PNPLA1: variants seen among roughly 807,000 people sequenced by gnomAD.
The protein encoded by PNPLA1 is omega-hydroxyceramide transacylase.
In PNPLA1, 36 loss-of-function variants were observed where a neutral mutation model predicts 51.7. The observed-to-expected ratio is 0.70, with a 90% CI of 0.53 to 0.92. The LOEUF (loss-of-function observed/expected upper bound fraction) is 0.92. PNPLA1 is among the 40% of genes least tolerant of loss of function. PNPLA1 has a pLI of 0.00. For missense variants in PNPLA1, 658 were observed against 682.5 expected (o/e 0.96, Z 0.40); for synonymous variants, 293 against 280.1 (o/e 1.05, Z -0.46).
At chr6:36,279,087 A>G (rs1014547924) in intron 1 of PNPLA1, among the ~76,000 whole-genome samples, 1 of 152,182 alleles carries the variant, frequency 6.6e-6, no homozygotes, top group Non-Finnish European at 1.5e-5. Flanking sequence ...ACAGGTCTGC[A>G]GGTGTAGTTG....
chr6:36,309,537 G>A (rs147191251), intron 8 of PNPLA1, among the ~76,000 whole-genome samples: 1 of 152,344 alleles, frequency 6.6e-6, no homozygotes, highest in East Asian at 1.9e-4. Context: ...TCCCACTGCA[G>A]CAGAGAAGCG....
In PNPLA1 at chr6:36,306,103, A is replaced by G. The variant is rs1212271765; in HGVS notation, c.1385-189A>G. Among the ~76,000 whole-genome samples the G allele has an allele frequency of 2.6e-5, 4 of 152,174 alleles. No individual in the cohort carries two copies. In the East Asian group the frequency reaches 5.8e-4, roughly 22 times the overall value. On this transcript the variant is annotated intron_variant, in intron 6 of 8. Coordinates refer to ENST00000636260, the MANE Select transcript of PNPLA1 (RefSeq NM_001374623.1). Reference sequence around the variant, plus strand: ...ACCAAGGGTCCGAGTCAGCCGCTCCACAGATGCCGCGGGCCTGCGTCTCAG... The same window carrying G: ...ACCAAGGGTCCGAGTCAGCCGCTCCGCAGATGCCGCGGGCCTGCGTCTCAG...
At chr6:36,280,136 G>A (rs925255981) in intron 1 of PNPLA1, among the ~76,000 whole-genome samples, 5 of 152,196 alleles carry the variant, frequency 3.3e-5, no homozygotes, top group African/African-American at 1.2e-4. Flanking sequence ...AACCCGGGAG[G>A]CGGCGGTTGC....
chr6:36,248,968 T>C (rs4236049), intron 1 of PNPLA1, among the ~76,000 whole-genome samples: 116,262 of 152,136 alleles, frequency 0.76, 44,699 homozygotes, highest in Admixed American at 0.86. Context: ...AGAGGCCCAA[T>C]GGGGAAGGTG....
chr6:36,267,206 C>T (rs1769780288), upstream of PNPLA1, among the ~76,000 whole-genome samples: 4 of 152,204 alleles, frequency 2.6e-5, no homozygotes, highest in Admixed American at 2.6e-4. Context: ...GAAAGTGATT[C>T]TTCCTCGATG....
At chr6:36,301,546 G>C (rs1423540906) in intron 5 of PNPLA1, among the ~76,000 whole-genome samples, 1 of 152,000 alleles carries the variant, frequency 6.6e-6, no homozygotes, top group Non-Finnish European at 1.5e-5. Context: ...CCTGGGCCAC[G>C]TACCCTTCAG....
intron 1 of PNPLA1, among the ~76,000 whole-genome samples, chr6:36,255,415 G>C (rs1582029262): frequency 6.6e-6 from 1 of 152,258 alleles, no homozygotes; most frequent in Non-Finnish European, 1.5e-5. Context: ...CGAGGCAGGA[G>C]AATTGCTTGA....
At chr6:36,269,403 T>TCACAC (rs1405341363), upstream of PNPLA1, among the ~76,000 whole-genome samples, 2 of 152,128 alleles carry the variant, frequency 1.3e-5, no homozygotes, top group Non-Finnish European at 2.9e-5. Flanking sequence ...CCTGGTCCTC[T>TCACAC]CACACCACCT....
At chr6:36,273,733 A>G (rs1378173937) in intron 1 of PNPLA1, among the ~76,000 whole-genome samples, 2 of 148,834 alleles carry the variant, frequency 1.3e-5, no homozygotes, top group African/African-American at 2.5e-5. Context: ...CATCGCAAAA[A>G]AAAAAAAAAA....
chr6:36,290,772 T>C (rs566320378), intron 1 of PNPLA1, among the ~76,000 whole-genome samples: 3 of 151,966 alleles, frequency 2.0e-5, no homozygotes, highest in Non-Finnish European at 4.4e-5. Context: ...GATGCAATGG[T>C]TTCAAGACAA....
intron 1 of PNPLA1, among the ~76,000 whole-genome samples, chr6:36,249,619 T>G (rs139385424): frequency 6.6e-6 from 1 of 152,308 alleles, no homozygotes; most frequent in African/African-American, 2.4e-5. Context: ...TCTCTGGACC[T>G]CAGCTTCAGC....
chr6:36,258,889 C>T (rs1235431510), intron 1 of PNPLA1, among the ~76,000 whole-genome samples: 4 of 152,190 alleles, frequency 2.6e-5, no homozygotes, highest in Non-Finnish European at 1.5e-5. Flanking sequence ...TGCAATATTC[C>T]TTAAATGTAT....
At chr6:36,245,170 G>A (rs1270129184) in intron 1 of PNPLA1, among the ~76,000 whole-genome samples, 1 of 152,158 alleles carries the variant, frequency 6.6e-6, no homozygotes, top group Non-Finnish European at 1.5e-5. Context: ...CTGTGGGTGT[G>A]ACTTCCTCCA....
intron 6 of PNPLA1, among the ~76,000 whole-genome samples, chr6:36,302,741 C>T (rs1771106431): frequency 6.6e-6 from 1 of 151,730 alleles, no homozygotes; most frequent in African/African-American, 2.4e-5. Flanking sequence ...AATTACAGTT[C>T]TCAGGTCCTA....
intron 1 of PNPLA1, among the ~76,000 whole-genome samples, chr6:36,285,900 C>T (rs1770472887): frequency 6.6e-6 from 1 of 152,126 alleles, no homozygotes; most frequent in African/African-American, 2.4e-5. Flanking sequence ...CCAGTCAGGC[C>T]TACACTACTC....
upstream of PNPLA1, among the ~76,000 whole-genome samples, chr6:36,269,580 G>T (rs1367003457): frequency 4.6e-5 from 7 of 152,166 alleles, no homozygotes; most frequent in Non-Finnish European, 1.0e-4. Context: ...TAGATTTCAG[G>T]TTGATTTCTT....
intron 1 of PNPLA1, among the ~76,000 whole-genome samples, chr6:36,274,198 A>T (rs1770020378): frequency 6.6e-6 from 1 of 152,236 alleles, no homozygotes; most frequent in Admixed American, 6.5e-5. Context: ...GAGGAAAATG[A>T]GTCACAGAAA....
At position 36,302,320 on chromosome 6, in the gene PNPLA1, C is replaced by G; in HGVS notation, c.1235C>G (p.Ala412Gly). ...QQQVQPSGSP[A>G]RSLHSQAPTS... ...CAGGTACAACCGTCTGGATCACCAG[C>G]CAGATCCCTACACTCTCAGGCACCC... Residue 412 changes from alanine to glycine, a missense_variant, in exon 6 of 9, where the codon GCC (alanine) becomes GGC (glycine). Transcript: ENST00000636260. 2 of 1,614,068 alleles carry G rather than the reference C, an allele frequency of 1.2e-6. No individual in the cohort carries two copies. Among genetic ancestry groups the G allele is most frequent in the Non-Finnish European group, 1.7e-6 (2 of 1,179,936 alleles).
chr6:36,251,851 A>G (rs772169123), intron 1 of PNPLA1, among the ~76,000 whole-genome samples: 3 of 152,128 alleles, frequency 2.0e-5, no homozygotes, highest in Non-Finnish European at 2.9e-5. Flanking sequence ...AGGCTGAGAC[A>G]GGAGGATTGC....
Sources: gnomAD v4.1 joint callset for allele counts (sites outside exome capture counted in the v4.1 genomes callset) on GRCh38, gnomAD v4.1.1 for gene constraint, MANE v1.5 for transcripts, NCBI Gene and HGNC (gene_info 2026-07-23, HGNC 2026-07-21) for gene names.